The following PEX7 variants were observed in gnomAD, a reference collection of about 807,000 sequenced individuals.
The protein encoded by PEX7 is peroxisomal biogenesis factor 7, also known as PTS2 receptor.
A neutral mutation model predicts 47.5 loss-of-function variants in PEX7; 34 were observed. That is an observed-to-expected ratio of 0.72 (90% CI 0.54 to 0.95). PEX7 has a LOEUF of 0.95. Among genes scored for constraint, PEX7 ranks in the 40% least tolerant of loss-of-function variants. The pLI is 0.00. For missense variants in PEX7, 394 were observed against 400.3 expected (o/e 0.98, Z 0.13); for synonymous variants, 141 against 148.8 (o/e 0.95, Z 0.38).
intron 8 of PEX7, among the ~76,000 whole-genome samples, chr6:136,873,866 T>C (rs963789848): frequency 1.1e-4 from 17 of 152,132 alleles, no homozygotes; most frequent in Non-Finnish European, 1.5e-4. Context: ...AGGCTTTTTT[T>C]CCCAGCATTT....
intron 3 of PEX7, among the ~76,000 whole-genome samples, chr6:136,841,161 G>C (rs927182): frequency 0.41 from 61,890 of 151,958 alleles, 13,333 homozygotes; most frequent in South Asian, 0.52. Context: ...TTGAAGTTGG[G>C]ATAATGGAAT....
chr6:136,902,010 C>A (rs1490671644), intron 9 of PEX7, among the ~76,000 whole-genome samples: 1 of 152,204 alleles, frequency 6.6e-6, no homozygotes, highest in South Asian at 2.1e-4. Context: ...GTCGCAAACT[C>A]CCGACCTCAG....
At chr6:136,871,321 C>T (rs777702529) in intron 7 of PEX7, among the ~76,000 whole-genome samples, 3 of 152,090 alleles carry the variant, frequency 2.0e-5, no homozygotes, top group East Asian at 1.9e-4. Flanking sequence ...ATCTAGAAGA[C>T]GTTACTTGTC....
At chr6:136,839,759 C>A (rs962767165) in intron 3 of PEX7, among the ~76,000 whole-genome samples, 4 of 152,170 alleles carry the variant, frequency 2.6e-5, no homozygotes, top group Non-Finnish European at 2.9e-5. Flanking sequence ...TTCCTTCATT[C>A]ATTCCAGAAA....
At chr6:136,912,655 T>C (rs1775951745) in intron 9 of PEX7, among the ~76,000 whole-genome samples, 1 of 152,218 alleles carries the variant, frequency 6.6e-6, no homozygotes, top group Non-Finnish European at 1.5e-5. Flanking sequence ...TAGTGTTAAG[T>C]AGTGCAGCTT....
chr6:136,854,585 C>A (rs751569789), intron 5 of PEX7, among the ~76,000 whole-genome samples: 4 of 152,180 alleles, frequency 2.6e-5, no homozygotes, highest in East Asian at 3.9e-4. Context: ...TATACTGTTA[C>A]CATTTTGTAA....
chr6:136,825,523 C>A (rs1329024337), intron 2 of PEX7, among the ~76,000 whole-genome samples: 1 of 151,902 alleles, frequency 6.6e-6, no homozygotes, highest in African/African-American at 2.4e-5. Context: ...TAGGAGGACC[C>A]CGTCTCTAAA....
chr6:136,840,104 C>T (rs1481947628), intron 3 of PEX7, among the ~76,000 whole-genome samples: 2 of 152,066 alleles, frequency 1.3e-5, no homozygotes, highest in Non-Finnish European at 2.9e-5. Flanking sequence ...GAGCTGTCAG[C>T]GTTTTGGCCA....
chr6:136,845,556 A>G, intron 3 of PEX7, 59 bp from the exon 4 acceptor site: 1 of 943,142 alleles, frequency 1.1e-6, no homozygotes, highest in Non-Finnish European at 1.8e-6. Context: ...AACAAGAGAT[A>G]AAATGCAATG....
chr6:136,875,996 C>T lies in PEX7; in HGVS notation c.803+3743C>T, dbSNP rs368818682. Among the ~76,000 whole-genome samples the T allele has an allele frequency of 2.6e-5, 4 of 151,962 alleles. No homozygotes were observed. In the East Asian group the frequency reaches 5.8e-4, roughly 22 times the overall value. ...GTTTACTTTCCAGATATGCTTTTCC[C>T]CATACCTTTTTTTTTGTTTTATCAT... On this transcript the variant is annotated intron_variant, in intron 8 of 9. Coordinates refer to ENST00000318471, the MANE Select transcript of PEX7 (RefSeq NM_000288.4).
At chr6:136,907,124 T>G (rs1160417361) in intron 9 of PEX7, among the ~76,000 whole-genome samples, 2 of 152,138 alleles carry the variant, frequency 1.3e-5, no homozygotes, top group Non-Finnish European at 2.9e-5. Context: ...CAGAATTAAG[T>G]TCTTCTCTTC....
chr6:136,826,116 T>G (rs1411351199), intron 2 of PEX7, among the ~76,000 whole-genome samples: 2 of 152,222 alleles, frequency 1.3e-5, no homozygotes, highest in Non-Finnish European at 2.9e-5. Flanking sequence ...CTGGACTGTT[T>G]TTTTTAACCT....
intron 7 of PEX7, 99 bp downstream of exon 7, chr6:136,870,102 T>A: frequency 1.3e-6 from 1 of 745,706 alleles, no homozygotes. Flanking sequence ...GGATTGGAGT[T>A]ACTAATTCTT....
In PEX7 at chr6:136,845,196, G is replaced by C. The variant is rs544930087; in HGVS notation, c.340-419G>C. Among the ~76,000 whole-genome samples the C allele has an allele frequency of 2.0e-5, 3 of 152,318 alleles. No individual in the cohort carries two copies. The South Asian group carries it at 6.2e-4, about 32-fold the overall frequency. On this transcript the variant is annotated intron_variant, in intron 3 of 9. Coordinates refer to ENST00000318471, the MANE Select transcript of PEX7 (RefSeq NM_000288.4). ...CCTGGTTCCTGCAAGCTTTTTCTAAGAAAGGCCAGATAGGGATATTAATTG... is the reference window on the plus strand; with the variant it reads ...CCTGGTTCCTGCAAGCTTTTTCTAACAAAGGCCAGATAGGGATATTAATTG...
At position 136,822,635 on chromosome 6, in the gene PEX7, G is replaced by A. The variant is rs115866467; in HGVS notation, c.-31G>A. 4.7e-3 allele frequency: 7,120 copies of A among 1,519,852 alleles called. 283 individuals are homozygous for A. The African/African-American group carries it at 0.089, about 19-fold the overall frequency. 94.1% of individuals were successfully genotyped at this position (1,519,852 alleles called of 1,614,324 possible). On this transcript the variant is annotated 5_prime_UTR_variant, in exon 1 of 10. Transcript: ENST00000318471. ...CCGACTCGGAACGGCTTCCGCGGCC[G>A]GGGCAGCGAGGGCCGGGGGCGGCGG...
intron 3 of PEX7, chr6:136,830,277 T>C (rs1373472467): frequency 2.3e-5 from 10 of 439,460 alleles, no homozygotes; most frequent in Non-Finnish European, 2.4e-5. Flanking sequence ...TTTGCTCTTA[T>C]TATAATAGGG....
intron 1 of PEX7, 119 bp from the exon 2 acceptor site, chr6:136,825,095 A>G: frequency 1.2e-6 from 1 of 845,494 alleles, no homozygotes; most frequent in Middle Eastern, 2.2e-4. Flanking sequence ...CAAGGTCCCA[A>G]ATACTTTGGG....
intron 1 of PEX7, chr6:136,823,070 T>A: frequency 3.0e-6 from 3 of 985,376 alleles, no homozygotes; most frequent in Non-Finnish European, 3.6e-6. Flanking sequence ...CCGCGCTGCC[T>A]CCGCCACGTG....
rs555119437 is a variant in PEX7 at position 136,910,359 on chromosome 6, T to G, written c.904-3099T>G. Among the ~76,000 whole-genome samples, 41 of 152,220 alleles carry G rather than the reference T, an allele frequency of 2.7e-4. 1 individual carries two copies. The highest frequency in any genetic ancestry group is 9.9e-4 in the African/African-American group (41 of 41,502). On this transcript the variant is annotated intron_variant, in intron 9 of 9. Coordinates refer to ENST00000318471, the MANE Select transcript of PEX7 (RefSeq NM_000288.4). Reference sequence around the variant, plus strand: ...TAGAGGAGATGATACCTAAACTGATTTTTTAAAAAAGAGACATCTCTGGCA... The same window carrying G: ...TAGAGGAGATGATACCTAAACTGATGTTTTAAAAAAGAGACATCTCTGGCA...
Sources: allele counts gnomAD v4.1 joint callset (sites outside exome capture counted in the v4.1 genomes callset), GRCh38; gene constraint gnomAD v4.1.1; transcripts MANE v1.5; gene names NCBI Gene and HGNC (gene_info 2026-07-23, HGNC 2026-07-21).